CNTN2: variants seen among roughly 807,000 people sequenced by gnomAD.
The protein encoded by CNTN2 is contactin 2, also known as contactin-2.
CNTN2 carries 53 observed loss-of-function variants against 117.5 expected under a neutral mutation model. That is an observed-to-expected ratio of 0.45 (90% CI 0.36 to 0.57). The LOEUF is 0.57. CNTN2 is among the 20% of genes least tolerant of loss of function. The probability of loss-of-function intolerance (pLI) is 0.00; values close to 1 mark genes in which losing one functional copy is unlikely to be tolerated. For missense variants in CNTN2, 1,106 were observed against 1,404.3 expected (o/e 0.79, Z 3.39); for synonymous variants, 530 against 561.7 (o/e 0.94, Z 0.80).
Position 205,069,488 on chromosome 1 carries a change from C to T in CNTN2, c.2126-3C>T. Reference sequence around the variant, plus strand: ...CATATCGGTGTCCCTTGGCCCTTGACAGCCCCCTCGGTGGCACCCTCAGGA... The same window carrying T: ...CATATCGGTGTCCCTTGGCCCTTGATAGCCCCCTCGGTGGCACCCTCAGGA... On this transcript the variant is annotated splice_region_variant and splice_polypyrimidine_tract_variant and intron_variant, in intron 16 of 22. Transcript: ENST00000331830. 4 of 1,614,050 alleles carry T rather than the reference C, an allele frequency of 2.5e-6. No homozygotes were observed. The highest frequency in any genetic ancestry group is 3.4e-6 in the Non-Finnish European group (4 of 1,179,962).
chr1:205,071,617 G>T (rs576526433), intron 19 of CNTN2, among the ~76,000 whole-genome samples: 10 of 152,148 alleles, frequency 6.6e-5, no homozygotes, highest in African/African-American at 2.4e-4. Context: ...AGCATTTTCT[G>T]TCCCTTAGCA....
chr1:205,066,492 C>T lies in CNTN2; in HGVS notation c.1868C>T (p.Thr623Ile). 1 of 1,614,088 alleles carries T rather than the reference C, an allele frequency of 6.2e-7. No homozygotes were observed. Among genetic ancestry groups the T allele is most frequent in the Non-Finnish European group, 8.5e-7 (1 of 1,180,042 alleles). The change falls in exon 15 of 23, where the codon ACC becomes ATC. Residue 623 changes from threonine (T) to isoleucine (I), a missense_variant. Coordinates refer to ENST00000331830, the MANE Select transcript of CNTN2 (RefSeq NM_005076.5). ...GVVVRDIGDT[T>I]IQLSWSRGFD... Reference sequence around the variant, plus strand: ...GTGGTGAGGGACATTGGCGACACCACCATCCAGCTCAGCTGGAGCCGTGGC... The same window carrying T: ...GTGGTGAGGGACATTGGCGACACCATCATCCAGCTCAGCTGGAGCCGTGGC...
Position 205,058,513 on chromosome 1 carries a change from G to C in CNTN2, c.392-55G>C, listed in dbSNP as rs759814182. 6.3e-7 allele frequency: 1 copy of C among 1,588,750 alleles called. No homozygotes were observed. ...TGCTTCTCCGTGAAGGATGAGTCGGGGAGGGGCTCGCAGGCCAGGAGGACA... is the reference window on the plus strand; with the variant it reads ...TGCTTCTCCGTGAAGGATGAGTCGGCGAGGGGCTCGCAGGCCAGGAGGACA... On this transcript the variant is annotated intron_variant, in intron 4 of 22. Coordinates refer to ENST00000331830, the MANE Select transcript of CNTN2 (RefSeq NM_005076.5). The surrounding 1 kb of genome is among the most constrained non-coding windows in gnomAD (Gnocchi z 4.3).
In CNTN2 at chr1:205,059,870, T is replaced by G; in HGVS notation, c.797+188T>G. On this transcript the variant is annotated intron_variant, in intron 7 of 22. Transcript: ENST00000331830. This position sits in a 1 kb window ranked among gnomAD's most constrained non-coding sequence, Gnocchi z 5.6. ...ACCTCTCTGGGTGAGGCATCGCATATGCCAGGGGCCTTCCATGGCCAGGAT... is the reference window on the plus strand; with the variant it reads ...ACCTCTCTGGGTGAGGCATCGCATAGGCCAGGGGCCTTCCATGGCCAGGAT... 1 of 589,854 alleles carries G rather than the reference T, an allele frequency of 1.7e-6. No homozygotes were observed. Among genetic ancestry groups the G allele is most frequent in the Non-Finnish European group, 3.0e-6 (1 of 329,056 alleles). 36.5% of individuals were successfully genotyped at this position (589,854 alleles called of 1,614,324 possible). A position where few individuals can be genotyped will look rare whatever the true frequency, so the allele number is the denominator to read the frequency against.
intron 1 of CNTN2, among the ~76,000 whole-genome samples, chr1:205,050,342 G>T (rs61824671): frequency 6.6e-6 from 1 of 151,088 alleles, no homozygotes; most frequent in Non-Finnish European, 1.5e-5. Context: ...AGTTTGTCTT[G>T]GGGCTGCCCC....
chr1:205,066,689 A>G, intron 15 of CNTN2, 90 bp downstream of exon 15: 1 of 1,454,422 alleles, frequency 6.9e-7, no homozygotes, highest in Non-Finnish European at 9.3e-7. Flanking sequence ...TCGGGGTCTG[A>G]GGGCCAGGGC....
At position 205,059,591 on chromosome 1, in the gene CNTN2, C is replaced by A; in HGVS notation, c.706C>A (p.Leu236Ile). The A allele has an allele frequency of 6.2e-7, 1 of 1,614,170 alleles. No homozygotes were observed. The highest frequency in any genetic ancestry group is 8.5e-7 in the Non-Finnish European group (1 of 1,180,014). ...AAACCCTCTCTCCCCAGATACCCGG[C>A]TCTTTGCACCCAGCATCAAGGCCCG... Reference protein sequence around the residue: ...QLNLAAEDTRLFAPSIKARFP... With the variant: ...QLNLAAEDTRIFAPSIKARFP... Residue 236 changes from leucine to isoleucine, a missense_variant, in exon 7 of 23, where the codon CTC becomes ATC. Coordinates refer to ENST00000331830, the MANE Select transcript of CNTN2 (RefSeq NM_005076.5). The surrounding 1 kb of genome is among the most constrained non-coding windows in gnomAD (Gnocchi z 5.6).
At chr1:205,068,970 GATAAT>G (rs1258971890) in intron 16 of CNTN2, 1 of 152,390 alleles carries the variant, frequency 6.6e-6, no homozygotes, top group African/African-American at 2.4e-5. Context: ...AAGAAAAATA[GATAAT>G]ATATCACCCT....
At chr1:205,064,501 T>A in intron 11 of CNTN2, 29 bp downstream of exon 11, 1 of 1,595,058 alleles carries the variant, frequency 6.3e-7, no homozygotes, top group Non-Finnish European at 8.6e-7. Flanking sequence ...CCTGCACAGT[T>A]CCTGCTCCTC....
At chr1:205,060,732 AAAG>A (rs1466586580) in intron 7 of CNTN2, 3 of 152,390 alleles carry the variant, frequency 2.0e-5, no homozygotes, top group Non-Finnish European at 4.4e-5. Flanking sequence ...AAAAAAAAAA[AAAG>A]AAAAAAAAGA....
At chr1:205,053,731 T>C (rs2096456658) in intron 2 of CNTN2, among the ~76,000 whole-genome samples, 1 of 152,262 alleles carries the variant, frequency 6.6e-6, no homozygotes, top group Admixed American at 6.5e-5. Flanking sequence ...ATTTCCATCA[T>C]TGCAGGACAT....
chr1:205,061,227 C>T lies in CNTN2; in HGVS notation c.798-18C>T. Reference sequence around the variant, plus strand: ...GCCCAGCTCAGCCCACACCCTCTGGCTTTGTCTCTCCTGCCAGCCCTGTCC... The same window carrying T: ...GCCCAGCTCAGCCCACACCCTCTGGTTTTGTCTCTCCTGCCAGCCCTGTCC... On this transcript the variant is annotated intron_variant, in intron 7 of 22. Coordinates refer to ENST00000331830, the MANE Select transcript of CNTN2 (RefSeq NM_005076.5). This position sits in a 1 kb window ranked among gnomAD's most constrained non-coding sequence, Gnocchi z 4.8. The T allele has an allele frequency of 6.3e-7, 1 of 1,595,132 alleles. No homozygotes were observed.
rs766982368 is a variant in CNTN2 at position 205,069,569 on chromosome 1, G to A, written c.2196+8G>A. ...CTCATCGTCAACTGGACGGTAAGCT[G>A]CAAGGGTCAGATGTCCTCCTCCTCC... is the stretch of plus-strand genomic sequence containing the variant. On this transcript the variant is annotated splice_region_variant and intron_variant, in intron 17 of 22. Transcript: ENST00000331830. 6.2e-7 allele frequency: 1 copy of A among 1,611,932 alleles called. No homozygotes were observed. Among genetic ancestry groups the A allele is most frequent in the Non-Finnish European group, 8.5e-7 (1 of 1,179,870 alleles).
rs1183477549 is a variant in CNTN2 at position 205,075,762 on chromosome 1, C to A, written c.*1997C>A. On this transcript the variant is annotated 3_prime_UTR_variant, in exon 23 of 23. Transcript: ENST00000331830. ...TGAAAGCCTCCTCACCTCTTCCCAACCCTTACAAGCAAGGGTGCTAGGGGC... is the reference window on the plus strand; with the variant it reads ...TGAAAGCCTCCTCACCTCTTCCCAAACCTTACAAGCAAGGGTGCTAGGGGC... The A allele has an allele frequency of 1.4e-5, 2 of 142,038 alleles. No homozygotes were observed. Among genetic ancestry groups the A allele is most frequent in the African/African-American group, 5.1e-5 (2 of 38,966 alleles). 8.8% of individuals were successfully genotyped at this position (142,038 alleles called of 1,614,324 possible). A position where few individuals can be genotyped will look rare whatever the true frequency, so the allele number is the denominator to read the frequency against.
intron 1 of CNTN2, among the ~76,000 whole-genome samples, chr1:205,050,712 A>C (rs911723443): frequency 6.6e-6 from 1 of 152,038 alleles, no homozygotes; most frequent in Non-Finnish European, 1.5e-5. Context: ...TCCATCTCCC[A>C]AGTTCAAGTG....
chr1:205,069,377 A>C, intron 16 of CNTN2, 114 bp from the exon 17 acceptor site: 1 of 957,754 alleles, frequency 1.0e-6, no homozygotes, highest in Non-Finnish European at 1.6e-6. Flanking sequence ...GGGCAAACCC[A>C]GGGCCCAGTT....
chr1:205,054,767 C>T (rs1368912155), intron 2 of CNTN2, among the ~76,000 whole-genome samples: 1 of 152,288 alleles, frequency 6.6e-6, no homozygotes, highest in East Asian at 1.9e-4. Flanking sequence ...GCCTTTCTTG[C>T]TGCCCTGTCC....
At position 205,072,030 on chromosome 1, in the gene CNTN2, C is replaced by T. The variant is rs2229868; in HGVS notation, c.2628C>T (p.Ser876=). ...TAGLDTSARV[S]GLHPNTKYHV... ...GGCTGGACACCAGTGCCCGAGTCAG[C>T]GGCCTGCATCCCAACACCAAGTACC... Residue 876 remains serine, a synonymous_variant, in exon 20 of 23, where the codon AGC becomes AGT. Coordinates refer to ENST00000331830, the MANE Select transcript of CNTN2 (RefSeq NM_005076.5). 0.24 allele frequency: 384,420 copies of T among 1,613,702 alleles called. 52,486 individuals are homozygous for T. The highest frequency in any genetic ancestry group is 0.55 in the East Asian group (24,742 of 44,834).
At position 205,048,812 on chromosome 1, in the gene CNTN2, A is replaced by G. The variant is rs887719262; in HGVS notation, c.-86-4288A>G. On this transcript the variant is annotated intron_variant, in intron 1 of 22. Coordinates refer to ENST00000331830, the MANE Select transcript of CNTN2 (RefSeq NM_005076.5). The surrounding 1 kb of genome is among the most constrained non-coding windows in gnomAD (Gnocchi z 4.1). ...TTAGCACAATGCCTGGCACATGGTC[A>G]ATAAACACTGTGATGGAAATGGATG... Among the ~76,000 whole-genome samples the G allele has an allele frequency of 6.6e-6, 1 of 152,106 alleles. No homozygotes were observed. Among genetic ancestry groups the G allele is most frequent in the African/African-American group, 2.4e-5 (1 of 41,402 alleles).
Sources: allele counts gnomAD v4.1 joint callset (sites outside exome capture counted in the v4.1 genomes callset), GRCh38; gene constraint gnomAD v4.1.1; non-coding constraint Gnocchi (gnomAD v3.1); transcripts MANE v1.5; gene names NCBI Gene and HGNC (gene_info 2026-07-23, HGNC 2026-07-21).